The following MEGF11 variants were observed in gnomAD, a reference collection of about 807,000 sequenced individuals.
The protein encoded by MEGF11 is multiple EGF like domains 11.
MEGF11 carries 126 observed loss-of-function variants against 146.6 expected under a neutral mutation model. That is an observed-to-expected ratio of 0.86 (90% CI 0.74 to 1.00). The LOEUF (loss-of-function observed/expected upper bound fraction) is 1.00. Ranked by LOEUF, MEGF11 falls within the 50% of genes least tolerant of loss-of-function variation. The probability of loss-of-function intolerance (pLI) is 0.00; values close to 1 mark genes in which losing one functional copy is unlikely to be tolerated. For missense variants in MEGF11, 1,509 were observed against 1,521.2 expected, an observed-to-expected ratio of 0.99 and a Z score of 0.13; for synonymous variants, 532 against 583.4, an observed-to-expected ratio of 0.91 and a Z score of 1.27.
chr15:66,050,886 T>C (rs1233366319), intron 5 of MEGF11, among the ~76,000 whole-genome samples: 2 of 152,250 alleles, frequency 1.3e-5, no homozygotes, highest in East Asian at 3.8e-4. Context: ...AGGCTGGCAC[T>C]GCCCTCTGGG....
chr15:66,079,281 C>T (rs1382479162), intron 5 of MEGF11, among the ~76,000 whole-genome samples: 2 of 152,266 alleles, frequency 1.3e-5, no homozygotes, highest in East Asian at 3.9e-4. Flanking sequence ...GAAGGTCTCC[C>T]CTCCTTTCCT....
intron 21 of MEGF11, 28 bp from the exon 22 acceptor site, chr15:65,909,834 A>G: frequency 6.5e-7 from 1 of 1,541,290 alleles, no homozygotes; most frequent in South Asian, 1.2e-5. Flanking sequence ...GAGCCAGTTA[A>G]TATCTAGTGC....
intron 1 of MEGF11, among the ~76,000 whole-genome samples, chr15:66,203,756 A>G (rs11631308): frequency 0.46 from 69,824 of 152,098 alleles, 16,377 homozygotes; most frequent in East Asian, 0.66. Flanking sequence ...AATAATGAAT[A>G]GCTATAAGAG....
chr15:65,979,691 G>C (rs1164586294), intron 7 of MEGF11, among the ~76,000 whole-genome samples: 2 of 152,236 alleles, frequency 1.3e-5, no homozygotes, highest in Non-Finnish European at 2.9e-5. Context: ...CTTGTGGAGG[G>C]TCTGTGGCAC....
intron 1 of MEGF11, among the ~76,000 whole-genome samples, chr15:66,244,435 C>A (rs1015283328): frequency 6.6e-6 from 1 of 152,156 alleles, no homozygotes; most frequent in Admixed American, 6.5e-5. Flanking sequence ...GGGGATGCAG[C>A]AAAGCAGTGG....
At chr15:65,931,471 G>C (rs1443217105) in intron 10 of MEGF11, among the ~76,000 whole-genome samples, 1 of 152,212 alleles carries the variant, frequency 6.6e-6, no homozygotes, top group Non-Finnish European at 1.5e-5. Flanking sequence ...CTTCAGCCTC[G>C]TGAAACCCAT....
chr15:66,169,568 C>T (rs909396425), intron 1 of MEGF11, among the ~76,000 whole-genome samples: 2 of 152,276 alleles, frequency 1.3e-5, no homozygotes, highest in African/African-American at 4.8e-5. Context: ...AATTATTCAT[C>T]CATAGTAATA....
chr15:66,230,118 C>T (rs2091938920), intron 1 of MEGF11, among the ~76,000 whole-genome samples: 2 of 152,186 alleles, frequency 1.3e-5, no homozygotes, highest in South Asian at 4.1e-4. Context: ...AAGGGCATCT[C>T]ATCCCTCCAG....
intron 1 of MEGF11, among the ~76,000 whole-genome samples, chr15:66,130,774 C>T (rs142941119): frequency 0.014 from 1,283 of 93,226 alleles, 7 homozygotes; most frequent in Middle Eastern, 0.04. Flanking sequence ...TCCTTGTCTC[C>T]GATACTTCAC....
chr15:66,233,264 G>A (rs2092007672), intron 1 of MEGF11, among the ~76,000 whole-genome samples: 7 of 152,160 alleles, frequency 4.6e-5, no homozygotes, highest in South Asian at 2.1e-4. Context: ...GAAACAGAGT[G>A]TAGCTTTGTC....
intron 1 of MEGF11, among the ~76,000 whole-genome samples, chr15:66,219,020 T>C (rs1278753875): frequency 9.1e-6 from 1 of 110,086 alleles, no homozygotes; most frequent in Admixed American, 8.6e-5. Context: ...CTTATCTACA[T>C]ATAGATAGAG....
intron 10 of MEGF11, among the ~76,000 whole-genome samples, chr15:65,934,680 G>C (rs1028621646): frequency 1.3e-5 from 2 of 152,198 alleles, no homozygotes; most frequent in Non-Finnish European, 2.9e-5. Flanking sequence ...GAAGGTATAA[G>C]GAAGAGGGGC....
At chr15:66,063,106 C>T (rs907502500) in intron 5 of MEGF11, among the ~76,000 whole-genome samples, 1 of 152,244 alleles carries the variant, frequency 6.6e-6, no homozygotes, top group African/African-American at 2.4e-5. Context: ...CATATTTTCA[C>T]TGCTGTGAAA....
intron 5 of MEGF11, among the ~76,000 whole-genome samples, chr15:66,011,937 G>A (rs534475162): frequency 6.6e-6 from 1 of 152,198 alleles, no homozygotes; most frequent in South Asian, 2.1e-4. Context: ...ATGTATGCAT[G>A]TGCATAAAGA....
At chr15:65,929,193 C>T (rs116763281) in intron 12 of MEGF11, among the ~76,000 whole-genome samples, 1 of 152,128 alleles carries the variant, frequency 6.6e-6, no homozygotes, top group Admixed American at 6.5e-5. Flanking sequence ...GCTCATCCAG[C>T]AATATCATAT....
At chr15:65,928,841 G>A (rs2079468746) in intron 12 of MEGF11, among the ~76,000 whole-genome samples, 2 of 152,130 alleles carry the variant, frequency 1.3e-5, no homozygotes. Flanking sequence ...CAAGCTCAAA[G>A]GCCTGTAATG....
In MEGF11 at chr15:65,982,478, G is replaced by C; in HGVS notation, c.405C>G (p.Ser135Arg). 1.4e-6 allele frequency: 2 copies of C among 1,476,416 alleles called. No individual in the cohort carries two copies. The allele number at this position is 1,476,416 out of a possible 1,614,324, so 91.5% of individuals were successfully genotyped here. ...TGCTGCAGTGGGGCCCCCAGTGGTC[G>C]CTGTCGCAGCCTGCAAGAGACGGGA... ...GGPDCSSGCD[S>R]DHWGPHCSNR... The change falls in exon 6 of 26, where the codon AGC becomes AGG. Residue 135 changes from serine to arginine, a missense_variant. Physicochemically the swap from Ser to Arg is moderately radical, Grantham distance 110 (BLOSUM62 -1). Transcript: ENST00000395614. The surrounding 1 kb of genome is among the most constrained non-coding windows in gnomAD (Gnocchi z 5.6).
intron 1 of MEGF11, among the ~76,000 whole-genome samples, chr15:66,191,461 A>T (rs1196392379): frequency 2.0e-5 from 3 of 152,146 alleles, no homozygotes; most frequent in Non-Finnish European, 2.9e-5. Flanking sequence ...TCTTTGATAT[A>T]TTGTCTGGGG....
At chr15:66,203,900 G>A (rs1481634330) in intron 1 of MEGF11, among the ~76,000 whole-genome samples, 12 of 152,124 alleles carry the variant, frequency 7.9e-5, no homozygotes, top group Admixed American at 7.9e-4. Flanking sequence ...GGGATTTTTG[G>A]AGATGTATGT....
Sources: gnomAD v4.1 joint callset for allele counts (sites outside exome capture counted in the v4.1 genomes callset) on GRCh38, gnomAD v4.1.1 for gene constraint, Gnocchi (gnomAD v3.1) non-coding constraint, MANE v1.5 for transcripts, NCBI Gene and HGNC (gene_info 2026-07-23, HGNC 2026-07-21) for gene names.